The following FHIP1A variants were observed in gnomAD, a reference collection of about 807,000 sequenced individuals.
FHIP1A encodes FHF complex subunit HOOK interacting protein 1A, also known as FHF complex subunit HOOK-interacting protein 1A.
In FHIP1A, 61 loss-of-function variants were observed where a neutral mutation model predicts 88.6. That is an observed-to-expected ratio of 0.69 (90% CI 0.56 to 0.85). The LOEUF is 0.85. Ranked by LOEUF, FHIP1A falls within the 40% of genes least tolerant of loss-of-function variation. The pLI is 0.00. For synonymous variants in FHIP1A, 478 were observed against 496.0 expected, an observed-to-expected ratio of 0.96 and a Z score of 0.48; for missense variants, 1,154 against 1,273.5, an observed-to-expected ratio of 0.91 and a Z score of 1.43.
intron 1 of FHIP1A, among the ~76,000 whole-genome samples, chr4:151,416,852 G>C (rs948428377): frequency 6.6e-6 from 1 of 151,860 alleles, no homozygotes; most frequent in African/African-American, 2.4e-5. Context: ...AGTGCAATTT[G>C]GGCTCATTGC....
chr4:151,449,493 A>T (rs1012447092), intron 1 of FHIP1A, among the ~76,000 whole-genome samples: 3 of 152,144 alleles, frequency 2.0e-5, no homozygotes, highest in African/African-American at 7.2e-5. Context: ...GGTAGTTAGC[A>T]TATTCATCAC....
intron 3 of FHIP1A, among the ~76,000 whole-genome samples, chr4:151,503,229 A>G (rs1730713951): frequency 6.6e-6 from 1 of 152,196 alleles, no homozygotes; most frequent in Non-Finnish European, 1.5e-5. Flanking sequence ...TTTTAAAGGG[A>G]GAACTTGGCA....
intron 2 of FHIP1A, among the ~76,000 whole-genome samples, chr4:151,480,789 T>C (rs1212159186): frequency 6.6e-6 from 1 of 152,034 alleles, no homozygotes; most frequent in Non-Finnish European, 1.5e-5. Flanking sequence ...CCACTGCTAC[T>C]CCTGTGCCTA....
chr4:151,487,322 CT>C (rs1730124046), intron 3 of FHIP1A, among the ~76,000 whole-genome samples: 2 of 151,938 alleles, frequency 1.3e-5, no homozygotes, highest in Admixed American at 6.6e-5. Context: ...TCTTTTCAGT[CT>C]TTTTTTTCTC....
At chr4:151,611,398 A>C (rs1015549175) in intron 7 of FHIP1A, among the ~76,000 whole-genome samples, 2 of 152,222 alleles carry the variant, frequency 1.3e-5, no homozygotes, top group African/African-American at 4.8e-5. Flanking sequence ...TGAACCAAAA[A>C]ATATTTCTGA....
rs1260560736 is a variant in FHIP1A at position 151,436,256 on chromosome 4, A to G, written c.-355-18445A>G. 2.0e-5 allele frequency among the ~76,000 whole-genome samples: 3 copies of G among 152,166 alleles called. No individual in the cohort carries two copies. The East Asian group carries it at 5.8e-4, about 29-fold the overall frequency. On this transcript the variant is annotated intron_variant, in intron 1 of 13. Coordinates refer to ENST00000435205, the MANE Select transcript of FHIP1A (RefSeq NM_001109977.3). ...TCAACCTTAGCACTGTTCATTGTAA[A>G]ACAAACAAAAACGTAGGGGTTTTTA... is the stretch of plus-strand genomic sequence containing the variant.
intron 1 of FHIP1A, among the ~76,000 whole-genome samples, chr4:151,417,168 G>A (rs758501024): frequency 1.3e-5 from 2 of 152,120 alleles, no homozygotes; most frequent in Non-Finnish European, 1.5e-5. Context: ...TATTGAAAGC[G>A]AAAGCACACT....
At position 151,626,295 on chromosome 4, in the gene FHIP1A, A is replaced by G. The variant is rs533069871; in HGVS notation, c.979-3407A>G. Reference sequence around the variant, plus strand: ...CTATAGTTTCAAAAACACCAGCTTAAGGGATTGGTGAAGATTCTCGGCATG... The same window carrying G: ...CTATAGTTTCAAAAACACCAGCTTAGGGGATTGGTGAAGATTCTCGGCATG... On this transcript the variant is annotated intron_variant, in intron 7 of 13. Transcript: ENST00000435205. Among the ~76,000 whole-genome samples the G allele has an allele frequency of 6.6e-5, 10 of 152,312 alleles. No individual in the cohort carries two copies. The East Asian group carries it at 1.9e-3, about 29-fold the overall frequency.
chr4:151,485,282 G>GTTTTTTTTTTTTTT (rs74327398), intron 3 of FHIP1A, among the ~76,000 whole-genome samples: 10 of 118,742 alleles, frequency 8.4e-5, no homozygotes, highest in African/African-American at 2.8e-4. Context: ...ATCTTTTCCA[G>GTTTTTTTTTTTTTT]TTTTTTTTTT....
chr4:151,650,366 C>T lies in FHIP1A; in HGVS notation c.2325C>T (p.Pro775=). The change falls in exon 11 of 14, where the codon CCC becomes CCT. Residue 775 remains proline (P), a synonymous_variant. Transcript: ENST00000435205. ...AGGGCTTGATGGAACAGAATTACCC[C>T]ACACCTGATCCCTTGCTTCTCACTA... ...GAEGLMEQNY[P]TPDPLLLTKE... is the part of the protein sequence containing the mutation. 1 of 1,551,726 alleles carries T rather than the reference C, an allele frequency of 6.4e-7. No individual in the cohort carries two copies. The highest frequency in any genetic ancestry group is 1.7e-4 in the Middle Eastern group (1 of 5,992).
At chr4:151,658,062 G>A (rs781767115) in intron 13 of FHIP1A, among the ~76,000 whole-genome samples, 19 of 152,254 alleles carry the variant, frequency 1.2e-4, no homozygotes, top group Non-Finnish European at 2.1e-4. Flanking sequence ...GCGAGGAGTC[G>A]GGCTTTGAGA....
chr4:151,609,763 C>T (rs1735224497), intron 7 of FHIP1A, among the ~76,000 whole-genome samples: 1 of 152,064 alleles, frequency 6.6e-6, no homozygotes, highest in African/African-American at 2.4e-5. Flanking sequence ...TCTCATTTTG[C>T]ATAATCACAC....
chr4:151,458,340 A>G (rs1326097947), intron 2 of FHIP1A, among the ~76,000 whole-genome samples: 1 of 152,156 alleles, frequency 6.6e-6, no homozygotes, highest in Non-Finnish European at 1.5e-5. Context: ...CCAGGCCTGG[A>G]AAAAGGGGCA....
At chr4:151,648,295 A>G (rs2126907604) in intron 10 of FHIP1A, among the ~76,000 whole-genome samples, 1 of 152,344 alleles carries the variant, frequency 6.6e-6, no homozygotes. Context: ...GAAGACATGT[A>G]AAGCTCTTAG....
At chr4:151,471,305 T>C (rs2126617173) in intron 2 of FHIP1A, among the ~76,000 whole-genome samples, 1 of 147,132 alleles carries the variant, frequency 6.8e-6, no homozygotes, top group East Asian at 2.0e-4. Flanking sequence ...TTTTTAAACT[T>C]TAGCGTATTT....
chr4:151,442,403 C>T (rs1728446628), intron 1 of FHIP1A, among the ~76,000 whole-genome samples: 1 of 152,118 alleles, frequency 6.6e-6, no homozygotes, highest in Admixed American at 6.5e-5. Context: ...ATCTATATGG[C>T]ACTGGTAGAC....
intron 5 of FHIP1A, among the ~76,000 whole-genome samples, chr4:151,579,974 G>A (rs1733958384): frequency 6.6e-6 from 1 of 152,114 alleles, no homozygotes; most frequent in Admixed American, 6.6e-5. Flanking sequence ...TCCTATGAAT[G>A]GGGATATTCT....
intron 4 of FHIP1A, among the ~76,000 whole-genome samples, chr4:151,576,465 C>A (rs189229986): frequency 6.6e-6 from 1 of 152,220 alleles, no homozygotes. Flanking sequence ...CCACACCCAG[C>A]TAATTTTTAA....
chr4:151,666,299 C>A lies in FHIP1A; in HGVS notation c.*3545C>A, dbSNP rs77977509. Among the ~76,000 whole-genome samples, 484 of 152,280 alleles carry A rather than the reference C, an allele frequency of 3.2e-3. 3 individuals are homozygous for A. Among genetic ancestry groups the A allele is most frequent in the African/African-American group, 0.011 (457 of 41,554 alleles). ...ATTTTTCTTTACCATTAGATACCTC[C>A]TTTCCCTGGTATTTAGAGGAATTGT... is the stretch of plus-strand genomic sequence containing the variant. On this transcript the variant is annotated 3_prime_UTR_variant, in exon 14 of 14. Transcript: ENST00000435205.
Sources: gnomAD v4.1 joint callset for allele counts (sites outside exome capture counted in the v4.1 genomes callset) on GRCh38, gnomAD v4.1.1 for gene constraint, MANE v1.5 for transcripts, NCBI Gene and HGNC (gene_info 2026-07-23, HGNC 2026-07-21) for gene names.